The following SPATA17 variants were observed in gnomAD, a reference collection of about 807,000 sequenced individuals.
The protein encoded by SPATA17 is spermatogenesis associated 17.
In SPATA17, 53 loss-of-function variants were observed where a neutral mutation model predicts 62.2. That is an observed-to-expected ratio of 0.85 (90% CI 0.68 to 1.07). SPATA17 has a LOEUF of 1.07. Ranked by LOEUF, SPATA17 falls within the 50% of genes least tolerant of loss-of-function variation. SPATA17 has a pLI of 0.00. For synonymous variants in SPATA17, 146 were observed against 146.8 expected, an observed-to-expected ratio of 0.99 and a Z score of 0.04; for missense variants, 466 against 425.5, an observed-to-expected ratio of 1.10 and a Z score of -0.84.
At chr1:217,703,269 C>T (rs906989693) in intron 5 of SPATA17, among the ~76,000 whole-genome samples, 1 of 150,300 alleles carries the variant, frequency 6.7e-6, no homozygotes. Flanking sequence ...CCCCCAGGTT[C>T]AATCAATTCT....
Position 217,651,164 on chromosome 1 carries a change from C to A in SPATA17, c.226C>A (p.Gln76Lys), listed in dbSNP as rs35215334. ...WRSFLGRKQY[Q>K]LTVQVAYYTM... ...AAGTTTCTTAGGCAGAAAGCAATAT[C>A]AACTAACTGTGCAGGTAAATATAAA... Residue 76 changes from glutamine (Q) to lysine (K), a missense_variant, in exon 3 of 11, where the codon CAA (glutamine) becomes AAA (lysine). Physicochemically the swap from Gln to Lys is moderately conservative, Grantham distance 53. Transcript: ENST00000366933. 3.1e-5 allele frequency: 50 copies of A among 1,607,842 alleles called. No homozygotes were observed. The highest frequency in any genetic ancestry group is 4.2e-5 in the Non-Finnish European group (50 of 1,177,034).
At chr1:217,813,069 C>T (rs892344559) in intron 9 of SPATA17, among the ~76,000 whole-genome samples, 4 of 152,208 alleles carry the variant, frequency 2.6e-5, no homozygotes, top group African/African-American at 9.6e-5. Flanking sequence ...ATATCCAGTA[C>T]TCTAAAGAAT....
chr1:217,856,903 G>A (rs1483214466), intron 9 of SPATA17, among the ~76,000 whole-genome samples: 2 of 152,150 alleles, frequency 1.3e-5, no homozygotes, highest in South Asian at 2.1e-4. Context: ...CTCATTTAGA[G>A]TCTGAAAAGT....
At chr1:217,865,636 C>A (rs958431) in intron 10 of SPATA17, among the ~76,000 whole-genome samples, 1 of 152,026 alleles carries the variant, frequency 6.6e-6, no homozygotes, top group Non-Finnish European at 1.5e-5. Context: ...TTTTGCCATC[C>A]TTTTAGCTCC....
chr1:217,682,142 C>T (rs1260469207), intron 4 of SPATA17, among the ~76,000 whole-genome samples: 2 of 152,038 alleles, frequency 1.3e-5, no homozygotes, highest in Non-Finnish European at 2.9e-5. Flanking sequence ...TCTTTTTCCT[C>T]CAATCCTTTA....
At chr1:217,673,909 T>A (rs1282806904) in intron 4 of SPATA17, among the ~76,000 whole-genome samples, 1 of 152,198 alleles carries the variant, frequency 6.6e-6, no homozygotes, top group Non-Finnish European at 1.5e-5. Flanking sequence ...TTACCTTGAT[T>A]CATAGTTTTC....
chr1:217,848,908 A>G (rs1280473188), intron 9 of SPATA17, among the ~76,000 whole-genome samples: 1 of 151,778 alleles, frequency 6.6e-6, no homozygotes, highest in Non-Finnish European at 1.5e-5. Context: ...ACTTTCTAGG[A>G]GAGTTCTTTG....
intron 1 of SPATA17, among the ~76,000 whole-genome samples, chr1:217,634,419 C>G (rs375221673): frequency 9.9e-5 from 15 of 152,080 alleles, no homozygotes; most frequent in African/African-American, 2.7e-4. Context: ...AACCTGTCTT[C>G]TTGCACTGAG....
Position 217,837,116 on chromosome 1 carries a change from G to A in SPATA17, c.1006-25658G>A, listed in dbSNP as rs1675278655. Among the ~76,000 whole-genome samples, 3 of 151,964 alleles carry A rather than the reference G, an allele frequency of 2.0e-5. No homozygotes were observed. The South Asian group carries it at 6.2e-4, about 31-fold the overall frequency. ...GGCTTGGCCTACTCAAATGTGACTAGTTTCTATATGTCTTCTGCATGAATG... is the reference window on the plus strand; with the variant it reads ...GGCTTGGCCTACTCAAATGTGACTAATTTCTATATGTCTTCTGCATGAATG... On this transcript the variant is annotated intron_variant, in intron 9 of 10. Transcript: ENST00000366933.
chr1:217,749,932 T>A lies in SPATA17; in HGVS notation c.519+7834T>A, dbSNP rs945518322. Reference sequence around the variant, plus strand: ...GTCTGACTTTATATCCTAGAGAAATTTGTCATAAGATTCTCTCTCTCTCTC... The same window carrying A: ...GTCTGACTTTATATCCTAGAGAAATATGTCATAAGATTCTCTCTCTCTCTC... On this transcript the variant is annotated intron_variant, in intron 6 of 10. Transcript: ENST00000366933. Among the ~76,000 whole-genome samples the A allele has an allele frequency of 2.0e-4, 27 of 135,102 alleles. No individual in the cohort carries two copies. The East Asian group carries it at 4.3e-3, about 22-fold the overall frequency. 88.6% of individuals were successfully genotyped at this position (135,102 alleles called of 152,430 possible).
At chr1:217,648,843 T>C in intron 1 of SPATA17, 39 bp from the exon 2 acceptor site, 1 of 1,287,286 alleles carries the variant, frequency 7.8e-7, no homozygotes, top group Non-Finnish European at 1.1e-6. Context: ...AGAATTATAT[T>C]AGTTACTAAT....
At chr1:217,674,270 C>T (rs1670896749) in intron 4 of SPATA17, among the ~76,000 whole-genome samples, 1 of 152,188 alleles carries the variant, frequency 6.6e-6, no homozygotes, top group South Asian at 2.1e-4. Flanking sequence ...TCTGGCCAGA[C>T]TTCAGTGGAT....
At chr1:217,683,563 C>T (rs1163053253) in intron 5 of SPATA17, among the ~76,000 whole-genome samples, 1 of 152,040 alleles carries the variant, frequency 6.6e-6, no homozygotes, top group South Asian at 2.1e-4. Context: ...CTCAGACTCC[C>T]GAGTAGGTGG....
chr1:217,805,425 A>G (rs1029356727), intron 9 of SPATA17, among the ~76,000 whole-genome samples: 2 of 152,198 alleles, frequency 1.3e-5, no homozygotes, highest in Admixed American at 1.3e-4. Flanking sequence ...CAAAATGTAC[A>G]AAGTTTCAGT....
intron 9 of SPATA17, among the ~76,000 whole-genome samples, chr1:217,851,204 T>C (rs1453225198): frequency 6.6e-6 from 1 of 152,116 alleles, no homozygotes; most frequent in Admixed American, 6.6e-5. Flanking sequence ...TGAGAGAAAT[T>C]AACAAAAACA....
intron 9 of SPATA17, among the ~76,000 whole-genome samples, chr1:217,802,727 A>G (rs1674343502): frequency 6.6e-6 from 1 of 152,146 alleles, no homozygotes; most frequent in Non-Finnish European, 1.5e-5. Flanking sequence ...TAGATATTCA[A>G]CATATGAATT....
intron 9 of SPATA17, among the ~76,000 whole-genome samples, chr1:217,855,729 AT>A (rs3081687): frequency 1.8e-4 from 23 of 128,872 alleles, no homozygotes; most frequent in African/African-American, 3.8e-4. Flanking sequence ...AGAAGGAACT[AT>A]TTTTTTTTTT....
intron 4 of SPATA17, among the ~76,000 whole-genome samples, chr1:217,682,271 A>G (rs2102905486): frequency 6.6e-6 from 1 of 152,106 alleles, no homozygotes; most frequent in Admixed American, 6.5e-5. Context: ...GGACTTAAGG[A>G]CAGTGACTGA....
At position 217,720,649 on chromosome 1, in the gene SPATA17, A is replaced by T. The variant is rs189426392; in HGVS notation, c.396-21326A>T. 3.2e-3 allele frequency among the ~76,000 whole-genome samples: 481 copies of T among 152,224 alleles called. 3 individuals are homozygous for T. The highest frequency in any genetic ancestry group is 0.01 in the African/African-American group (424 of 41,530). Reference sequence around the variant, plus strand: ...CTCTAAATAAATAAACATTTTTTTTAAAAAAGAAAAGGCTAAGACTTTTAC... The same window carrying T: ...CTCTAAATAAATAAACATTTTTTTTTAAAAAGAAAAGGCTAAGACTTTTAC... On this transcript the variant is annotated intron_variant, in intron 5 of 10. Coordinates refer to ENST00000366933, the MANE Select transcript of SPATA17 (RefSeq NM_138796.4).
Sources: allele counts gnomAD v4.1 joint callset (sites outside exome capture counted in the v4.1 genomes callset), GRCh38; gene constraint gnomAD v4.1.1; transcripts MANE v1.5; gene names NCBI Gene and HGNC (gene_info 2026-07-23, HGNC 2026-07-21).